The following DTWD2 variants were observed in gnomAD, a reference collection of about 807,000 sequenced individuals.
DTWD2 encodes the protein DTW motif tRNA-uridine aminocarboxypropyltransferase 2.
In DTWD2, 39 loss-of-function variants were observed where a neutral mutation model predicts 31.8. The ratio of observed to expected loss-of-function variants is 1.22; its 90% CI spans 0.95 to 1.60. DTWD2 has a LOEUF of 1.60. DTWD2 is among the 40% of genes most tolerant of loss of function. The pLI is 0.00. For missense variants in DTWD2, 515 were observed against 381.5 expected, an observed-to-expected ratio of 1.35 and a Z score of -2.92; for synonymous variants, 180 against 142.8, an observed-to-expected ratio of 1.26 and a Z score of -1.86.
intron 3 of DTWD2, among the ~76,000 whole-genome samples, chr5:118,929,394 T>A (rs1250184088): frequency 6.6e-6 from 1 of 152,176 alleles, no homozygotes; most frequent in African/African-American, 2.4e-5. Context: ...CACAGAGTGC[T>A]AAGTGTTCAA....
At chr5:118,969,623 G>A (rs911783107) in intron 1 of DTWD2, among the ~76,000 whole-genome samples, 4 of 152,000 alleles carry the variant, frequency 2.6e-5, no homozygotes, top group South Asian at 2.1e-4. Context: ...ACAAACGAAC[G>A]GAAAACAATA....
At chr5:118,917,369 G>A (rs1432883299) in intron 4 of DTWD2, among the ~76,000 whole-genome samples, 2 of 152,144 alleles carry the variant, frequency 1.3e-5, no homozygotes, top group Admixed American at 6.5e-5. Flanking sequence ...AATAGGGAAG[G>A]GAAAAAGAAA....
At chr5:118,853,198 C>T (rs73236935) in intron 4 of DTWD2, among the ~76,000 whole-genome samples, 10,475 of 152,190 alleles carry the variant, frequency 0.069, 1,176 homozygotes, top group African/African-American at 0.23. Context: ...TGCACATATA[C>T]CTCTTGATCT....
chr5:118,888,129 G>A (rs1478692201), intron 4 of DTWD2, among the ~76,000 whole-genome samples: 1 of 152,128 alleles, frequency 6.6e-6, no homozygotes, highest in Non-Finnish European at 1.5e-5. Flanking sequence ...TATATTTCAA[G>A]TATCCAATTT....
At chr5:118,938,732 C>T (rs1257148430) in intron 3 of DTWD2, among the ~76,000 whole-genome samples, 1 of 127,820 alleles carries the variant, frequency 7.8e-6, no homozygotes, top group African/African-American at 3.0e-5. Flanking sequence ...ATAATAATAA[C>T]AATTTACTGA....
At chr5:118,882,755 G>A (rs371178109) in intron 4 of DTWD2, among the ~76,000 whole-genome samples, 46 of 152,186 alleles carry the variant, frequency 3.0e-4, no homozygotes, top group Non-Finnish European at 8.8e-5. Flanking sequence ...ATGGAGCTTC[G>A]GGGCACAGGG....
intron 2 of DTWD2, among the ~76,000 whole-genome samples, chr5:118,939,542 A>G (rs540780034): frequency 1.3e-5 from 2 of 152,296 alleles, no homozygotes; most frequent in African/African-American, 4.8e-5. Context: ...ATTAATATAT[A>G]TAATGATTAA....
chr5:118,893,808 C>A (rs954579986), intron 4 of DTWD2, among the ~76,000 whole-genome samples: 1 of 152,074 alleles, frequency 6.6e-6, no homozygotes, highest in African/African-American at 2.4e-5. Flanking sequence ...CTCTAGAATC[C>A]GGGAACAGCC....
At chr5:118,887,976 G>T (rs1752902883) in intron 4 of DTWD2, among the ~76,000 whole-genome samples, 1 of 152,116 alleles carries the variant, frequency 6.6e-6, no homozygotes, top group Non-Finnish European at 1.5e-5. Flanking sequence ...TTACTCACTG[G>T]ACAATACCAT....
At chr5:118,846,324 T>C (rs1751852057) in intron 5 of DTWD2, among the ~76,000 whole-genome samples, 1 of 152,154 alleles carries the variant, frequency 6.6e-6, no homozygotes, top group South Asian at 2.1e-4. Flanking sequence ...CCTATTATTC[T>C]ACAACCACTA....
chr5:118,895,118 A>AT (rs1753056900), intron 4 of DTWD2, among the ~76,000 whole-genome samples: 1 of 152,182 alleles, frequency 6.6e-6, no homozygotes, highest in South Asian at 2.1e-4. Context: ...AAAAAAATCT[A>AT]AAGACTCCAC....
At position 118,932,426 on chromosome 5, in the gene DTWD2, G is replaced by A. The variant is rs182338789; in HGVS notation, c.405-3697C>T. Among the ~76,000 whole-genome samples, 111 of 151,670 alleles carry A rather than the reference G, an allele frequency of 7.3e-4. 1 individual carries two copies. Among genetic ancestry groups the A allele is most frequent in the African/African-American group, 2.7e-3 (111 of 41,402 alleles). On this transcript the variant is annotated intron_variant, in intron 3 of 5. Transcript: ENST00000510708. ...AAAACCTAAGATGGAAATCAGTGAA[G>A]TTCAAAATAGGAAGACAACAGAAAA...
rs1751666587 is a variant in DTWD2 at position 118,839,728 on chromosome 5, T to C, written c.*1189A>G. ...CCAGCACTCTTTTAATATTTTAAAA[T>C]ATTTTCTGCATAGTTTCCCCAAATA... On this transcript the variant is annotated 3_prime_UTR_variant, in exon 6 of 6. Coordinates refer to ENST00000510708, the MANE Select transcript of DTWD2 (RefSeq NM_173666.4). 1 of 152,204 alleles carries C rather than the reference T, an allele frequency of 6.6e-6. No homozygotes were observed. Among genetic ancestry groups the C allele is most frequent in the Admixed American group, 6.5e-5 (1 of 15,272 alleles). The allele number at this position is 152,204 out of a possible 1,614,324, so 9.4% of individuals were successfully genotyped here.
At chr5:118,964,895 C>T (rs2149595047) in intron 1 of DTWD2, among the ~76,000 whole-genome samples, 1 of 152,298 alleles carries the variant, frequency 6.6e-6, no homozygotes, top group East Asian at 1.9e-4. Flanking sequence ...CTCTGCCTGG[C>T]CGCCCATCGT....
At chr5:118,928,506 T>C (rs746739672) in intron 4 of DTWD2, 31 bp downstream of exon 4, 3 of 1,388,718 alleles carry the variant, frequency 2.2e-6, no homozygotes, top group African/African-American at 2.9e-5. Context: ...TATATATTTA[T>C]ATTTATTCTC....
chr5:118,944,975 C>CAGA (rs1754299683), intron 1 of DTWD2, among the ~76,000 whole-genome samples: 1 of 152,104 alleles, frequency 6.6e-6, no homozygotes, highest in Non-Finnish European at 1.5e-5. Context: ...CATTCCAAAT[C>CAGA]AAAAAGAGAT....
At chr5:118,921,212 G>C (rs1753695443) in intron 4 of DTWD2, among the ~76,000 whole-genome samples, 1 of 152,072 alleles carries the variant, frequency 6.6e-6, no homozygotes, top group African/African-American at 2.4e-5. Context: ...CAGAGGTGTG[G>C]ATATATTCTG....
At chr5:118,904,321 C>T (rs1304374803) in intron 4 of DTWD2, among the ~76,000 whole-genome samples, 1 of 152,058 alleles carries the variant, frequency 6.6e-6, no homozygotes, top group Non-Finnish European at 1.5e-5. Context: ...CCAATAACAT[C>T]CTCAGTGTCT....
At chr5:118,953,876 T>A (rs992475915) in intron 1 of DTWD2, among the ~76,000 whole-genome samples, 2 of 152,198 alleles carry the variant, frequency 1.3e-5, no homozygotes. Flanking sequence ...CTTATGCACC[T>A]GAGTGTCTAG....
Sources: gnomAD v4.1 joint callset for allele counts (sites outside exome capture counted in the v4.1 genomes callset) on GRCh38, gnomAD v4.1.1 for gene constraint, MANE v1.5 for transcripts, NCBI Gene and HGNC (gene_info 2026-07-23, HGNC 2026-07-21) for gene names.